The following RAPGEF2 variants were observed in gnomAD, a reference collection of about 807,000 sequenced individuals.
The protein encoded by RAPGEF2 is Rap guanine nucleotide exchange factor 2, also known as PDZ domain containing guanine nucleotide exchange factor (GEF) 1.
Under a neutral mutation model 186.7 loss-of-function variants are expected in RAPGEF2, and 54 were observed. The observed-to-expected ratio is 0.29, with a 90% CI of 0.23 to 0.36. The LOEUF (loss-of-function observed/expected upper bound fraction) is 0.36. Among genes scored for constraint, RAPGEF2 ranks in the 10% least tolerant of loss-of-function variants. The probability of loss-of-function intolerance (pLI) is 1.00; values close to 1 mark genes in which losing one functional copy is unlikely to be tolerated. For synonymous variants in RAPGEF2, 712 were observed against 705.9 expected (o/e 1.01, Z -0.14); for missense variants, 1,532 against 2,045.0 (o/e 0.75, Z 4.84).
chr4:159,317,640 A>G (rs1764763636), intron 9 of RAPGEF2, among the ~76,000 whole-genome samples: 1 of 152,188 alleles, frequency 6.6e-6, no homozygotes, highest in South Asian at 2.1e-4. Flanking sequence ...TCTTGGGTCC[A>G]ATACCACATG....
chr4:159,179,469 T>C (rs894543302), intron 1 of RAPGEF2, among the ~76,000 whole-genome samples: 4 of 152,248 alleles, frequency 2.6e-5, no homozygotes, highest in African/African-American at 9.6e-5. Flanking sequence ...ATACATTTCT[T>C]TGTGCATCTT....
intron 1 of RAPGEF2, among the ~76,000 whole-genome samples, chr4:159,126,563 C>A (rs570496031): frequency 2.9e-4 from 44 of 150,480 alleles, no homozygotes; most frequent in African/African-American, 1.0e-3. Flanking sequence ...GCCTCCCTGT[C>A]ATCTCTCAGA....
chr4:159,339,091 T>A, intron 18 of RAPGEF2, 23 bp from the exon 19 acceptor site: 1 of 1,607,488 alleles, frequency 6.2e-7, no homozygotes, highest in Non-Finnish European at 8.5e-7. Flanking sequence ...TCTACTTATG[T>A]GTGTGATTTT....
At chr4:159,220,231 G>T (rs1437883971) in intron 4 of RAPGEF2, among the ~76,000 whole-genome samples, 1 of 152,114 alleles carries the variant, frequency 6.6e-6, no homozygotes, top group Non-Finnish European at 1.5e-5. Flanking sequence ...AAGTCAAGAG[G>T]GGTTTGTTTC....
intron 1 of RAPGEF2, among the ~76,000 whole-genome samples, chr4:159,111,251 A>T (rs547586815): frequency 6.6e-6 from 1 of 152,252 alleles, no homozygotes; most frequent in Admixed American, 6.5e-5. Context: ...CATATCCATT[A>T]TGTATAAGAA....
intron 17 of RAPGEF2, among the ~76,000 whole-genome samples, chr4:159,334,540 C>T (rs1221082455): frequency 6.6e-6 from 1 of 152,174 alleles, no homozygotes; most frequent in Non-Finnish European, 1.5e-5. Context: ...TGAGCCACCA[C>T]ACCCAGTCCT....
At position 159,339,228 on chromosome 4, in the gene RAPGEF2, C is replaced by T. The variant is rs749064436; in HGVS notation, c.2408C>T (p.Ala803Val). The change falls in exon 19 of 30, where the codon GCT becomes GTT. Residue 803 changes from alanine (A) to valine (V), a missense_variant. Coordinates refer to ENST00000691494, the MANE Select transcript of RAPGEF2 (RefSeq NM_001394067.2). ...EVVIQAIREF[A>V]VTATPDQYSL... is the part of the protein sequence containing the mutation. Reference sequence around the variant, plus strand: ...GTCATTCAGGCTATCAGGGAGTTTGCTGTTACTGCCACCCCGGATCAATAT... The same window carrying T: ...GTCATTCAGGCTATCAGGGAGTTTGTTGTTACTGCCACCCCGGATCAATAT... The T allele has an allele frequency of 6.2e-7, 1 of 1,614,116 alleles. No homozygotes were observed. The highest frequency in any genetic ancestry group is 1.1e-5 in the South Asian group (1 of 91,082).
intron 1 of RAPGEF2, among the ~76,000 whole-genome samples, chr4:159,163,790 C>T (rs1744972166): frequency 6.7e-6 from 1 of 148,952 alleles, no homozygotes; most frequent in African/African-American, 2.6e-5. Context: ...GAAGGGGTTA[C>T]TGAAAGATGA....
chr4:159,200,062 A>C (rs13138718), intron 3 of RAPGEF2, among the ~76,000 whole-genome samples: 65,883 of 147,656 alleles, frequency 0.45, 14,863 homozygotes, highest in African/African-American at 0.57. Context: ...CTCTCTCTCT[A>C]TATATATATA....
chr4:159,233,119 TAATTG>T (rs939691069), intron 4 of RAPGEF2, among the ~76,000 whole-genome samples: 1 of 152,234 alleles, frequency 6.6e-6, no homozygotes, highest in African/African-American at 2.4e-5. Context: ...CCTTTTCAGT[TAATTG>T]ATAAGGCCCT....
chr4:159,334,394 G>A (rs1344411279), intron 17 of RAPGEF2, among the ~76,000 whole-genome samples: 10 of 152,024 alleles, frequency 6.6e-5, no homozygotes, highest in Admixed American at 5.2e-4. Flanking sequence ...GATTACAGGT[G>A]TGCACCACCA....
chr4:159,291,367 A>G (rs1250081060), intron 7 of RAPGEF2, among the ~76,000 whole-genome samples: 7 of 152,136 alleles, frequency 4.6e-5, no homozygotes, highest in East Asian at 1.9e-4. Flanking sequence ...CAGTGGCGCA[A>G]TCACAGTTCA....
chr4:159,358,106 A>C lies in RAPGEF2; in HGVS notation c.4958-8A>C. ...TTGATTTCTTTTTCTTCCCTGCTGT[A>C]TTTGCAGAAGATGAACAAGTTTCTG... On this transcript the variant is annotated splice_region_variant and splice_polypyrimidine_tract_variant and intron_variant, in intron 29 of 29. Transcript: ENST00000691494. 6.2e-7 allele frequency: 1 copy of C among 1,611,978 alleles called. No individual in the cohort carries two copies. The highest frequency in any genetic ancestry group is 1.1e-5 in the South Asian group (1 of 90,388).
intron 10 of RAPGEF2, 109 bp downstream of exon 10, chr4:159,322,592 G>T: frequency 1.2e-6 from 1 of 845,716 alleles, no homozygotes; most frequent in South Asian, 1.8e-5. Context: ...CCCAACAACA[G>T]TAAGTTTGAA....
chr4:159,112,814 A>C (rs1414622255), intron 1 of RAPGEF2, among the ~76,000 whole-genome samples: 1 of 152,198 alleles, frequency 6.6e-6, no homozygotes. Flanking sequence ...GGATATTTGC[A>C]TAGTCTCAAA....
At chr4:159,355,186 T>C (rs1363653792) in intron 28 of RAPGEF2, among the ~76,000 whole-genome samples, 39 of 152,216 alleles carry the variant, frequency 2.6e-4, no homozygotes, top group Admixed American at 2.5e-3. Context: ...AATGAAACTT[T>C]AGTTTTACTG....
At chr4:159,118,791 A>G (rs184332683) in intron 1 of RAPGEF2, among the ~76,000 whole-genome samples, 15 of 152,102 alleles carry the variant, frequency 9.9e-5, no homozygotes, top group African/African-American at 3.1e-4. Flanking sequence ...CACCATGTTG[A>G]CCAGACTGGT....
At position 159,313,000 on chromosome 4, in the gene RAPGEF2, T is replaced by C. The variant is rs143390885; in HGVS notation, c.676-1591T>C. On this transcript the variant is annotated intron_variant, in intron 8 of 29. Coordinates refer to ENST00000691494, the MANE Select transcript of RAPGEF2 (RefSeq NM_001394067.2). ...CCGTCTCTACTAAGAGTACAAAAATTAGCTGGGTGTGGTGGTGCACACCTG... is the reference window on the plus strand; with the variant it reads ...CCGTCTCTACTAAGAGTACAAAAATCAGCTGGGTGTGGTGGTGCACACCTG... 2.9e-3 allele frequency among the ~76,000 whole-genome samples: 447 copies of C among 152,136 alleles called. 5 individuals are homozygous for C. Among genetic ancestry groups the C allele is most frequent in the Non-Finnish European group, 5.6e-3 (380 of 67,994 alleles).
intron 11 of RAPGEF2, among the ~76,000 whole-genome samples, chr4:159,326,394 A>T (rs988775511): frequency 1.3e-5 from 2 of 152,234 alleles, no homozygotes; most frequent in Non-Finnish European, 2.9e-5. Context: ...AACAAAAATG[A>T]TGCTATCTTT....
Sources: gnomAD v4.1 joint callset for allele counts (sites outside exome capture counted in the v4.1 genomes callset) on GRCh38, gnomAD v4.1.1 for gene constraint, MANE v1.5 for transcripts, NCBI Gene and HGNC (gene_info 2026-07-23, HGNC 2026-07-21) for gene names.